Variants in PARD3 observed in about 807,000 individuals in gnomAD.
PARD3 encodes partitioning defective 3 homolog.
A neutral mutation model predicts 155.4 loss-of-function variants in PARD3; 75 were observed. The ratio of observed to expected loss-of-function variants is 0.48; its 90% confidence interval spans 0.40 to 0.58. The LOEUF is 0.58. PARD3 is among the 20% of genes least tolerant of loss of function. The pLI is 0.00. For missense variants in PARD3, 1,642 were observed against 1,721.7 expected, an observed-to-expected ratio of 0.95 and a Z score of 0.82; for synonymous variants, 576 against 610.5, an observed-to-expected ratio of 0.94 and a Z score of 0.83.
chr10:34,539,590 G>A (rs2083459567), intron 2 of PARD3, among the ~76,000 whole-genome samples: 2 of 152,146 alleles, frequency 1.3e-5, no homozygotes, highest in Admixed American at 1.3e-4. Context: ...GAACCTGGGA[G>A]GCAGAGGTTG....
intron 2 of PARD3, among the ~76,000 whole-genome samples, chr10:34,684,610 C>T (rs112123173): frequency 6.4e-4 from 98 of 152,182 alleles, no homozygotes; most frequent in Non-Finnish European, 1.1e-3. Flanking sequence ...TGCCTGCATT[C>T]GAATCCTGGT....
chr10:34,432,808 G>A (rs1330372070), intron 5 of PARD3, among the ~76,000 whole-genome samples: 4 of 152,156 alleles, frequency 2.6e-5, no homozygotes, highest in African/African-American at 4.8e-5. Context: ...GGAACAGGAA[G>A]AGGAACTAAA....
Position 34,726,215 on chromosome 10 carries a change from G to A in PARD3, c.121-29796C>T, listed in dbSNP as rs112627903. ...TCATGCCTGTAACCCCAGCACTTTG[G>A]GAGGTGGGTGAATCACCTAAGTTAA... On this transcript the variant is annotated intron_variant, in intron 1 of 24. Coordinates refer to ENST00000374788, the MANE Select transcript of PARD3 (RefSeq NM_001184785.2). Among the ~76,000 whole-genome samples the A allele has an allele frequency of 5.5e-3, 842 of 152,294 alleles. 8 individuals are homozygous for A. Among genetic ancestry groups the A allele is most frequent in the African/African-American group, 0.019 (799 of 41,558 alleles).
rs547758001 is a variant in PARD3, at chr10:34,580,054, C to G, written c.223-62895G>C. ...TCAGCCTCCTGTGTAACTGGGATTACAGGTATGTACCACCATGCCTGGATA... is the reference window on the plus strand; with the variant it reads ...TCAGCCTCCTGTGTAACTGGGATTAGAGGTATGTACCACCATGCCTGGATA... On this transcript the variant is annotated intron_variant, in intron 2 of 24. Coordinates refer to ENST00000374788, the MANE Select transcript of PARD3 (RefSeq NM_001184785.2). Among the ~76,000 whole-genome samples the G allele has an allele frequency of 1.3e-3, 204 of 152,032 alleles. 1 individual carries two copies. Among genetic ancestry groups the G allele is most frequent in the Non-Finnish European group, 2.7e-3 (184 of 68,006 alleles).
At chr10:34,759,194 T>C (rs996136269) in intron 1 of PARD3, among the ~76,000 whole-genome samples, 2 of 152,144 alleles carry the variant, frequency 1.3e-5, no homozygotes, top group Admixed American at 6.6e-5. Context: ...CTTTTTTTTT[T>C]CTAATAGGAA....
At chr10:34,388,205 C>T (rs1842537470) in intron 7 of PARD3, among the ~76,000 whole-genome samples, 1 of 152,154 alleles carries the variant, frequency 6.6e-6, no homozygotes, top group Non-Finnish European at 1.5e-5. Context: ...TAGTAGCCTG[C>T]TGATTTCTAA....
At position 34,384,076 on chromosome 10, in the gene PARD3, C is replaced by T. The variant is rs1183599772; in HGVS notation, c.1016+53G>A. ...GTTTGAAGCATTTCAACTGACTGCA[C>T]TCTGTCATGCCTAATGCAAGTAAGA... On this transcript the variant is annotated intron_variant, in intron 8 of 24. Transcript: ENST00000374788. 5 of 1,571,622 alleles carry T rather than the reference C, an allele frequency of 3.2e-6. No individual in the cohort carries two copies. The Admixed American group carries it at 5.1e-5, about 16-fold the overall frequency.
intron 2 of PARD3, among the ~76,000 whole-genome samples, chr10:34,574,547 A>G (rs568851577): frequency 2.0e-5 from 3 of 152,344 alleles, no homozygotes; most frequent in South Asian, 4.1e-4. Context: ...ATAGTGACCC[A>G]TCCCAGTGCA....
At chr10:34,123,028 C>T (rs1427109942) in intron 23 of PARD3, among the ~76,000 whole-genome samples, 1 of 152,206 alleles carries the variant, frequency 6.6e-6, no homozygotes, top group South Asian at 2.1e-4. Flanking sequence ...CCTGCGCAGG[C>T]ATAACTGTAA....
At chr10:34,427,530 T>C (rs1251138005) in intron 5 of PARD3, among the ~76,000 whole-genome samples, 3 of 152,148 alleles carry the variant, frequency 2.0e-5, no homozygotes, top group Non-Finnish European at 4.4e-5. Flanking sequence ...CAGCGGGACA[T>C]GGAAGTTCAT....
rs534389643 is a variant in PARD3 at position 34,792,092 on chromosome 10, C to T, written c.120+22784G>A. Among the ~76,000 whole-genome samples, 9 of 152,322 alleles carry T rather than the reference C, an allele frequency of 5.9e-5. No individual in the cohort carries two copies. The South Asian group carries it at 1.9e-3, about 32-fold the overall frequency. On this transcript the variant is annotated intron_variant, in intron 1 of 24. Transcript: ENST00000374788. Reference sequence around the variant, plus strand: ...GTGCTCGCTTGCTCAGATATGCGCCCTGTTCCTGCCTCAGGATGCGCGCCC... The same window carrying T: ...GTGCTCGCTTGCTCAGATATGCGCCTTGTTCCTGCCTCAGGATGCGCGCCC...
intron 1 of PARD3, among the ~76,000 whole-genome samples, chr10:34,723,711 T>C (rs569521397): frequency 2.6e-5 from 4 of 152,220 alleles, no homozygotes; most frequent in Admixed American, 2.6e-4. Context: ...CTCAATCACT[T>C]CATAAATCTG....
chr10:34,656,832 G>T (rs935824278), intron 2 of PARD3, among the ~76,000 whole-genome samples: 3 of 152,192 alleles, frequency 2.0e-5, no homozygotes, highest in African/African-American at 7.2e-5. Context: ...ACTGCTATCT[G>T]TATTAAGGCC....
intron 22 of PARD3, among the ~76,000 whole-genome samples, chr10:34,256,537 T>TAA (rs1214506852): frequency 5.9e-5 from 9 of 152,340 alleles, no homozygotes; most frequent in Non-Finnish European, 1.3e-4. Flanking sequence ...TTATAGTCTG[T>TAA]AAAAACAGTT....
intron 20 of PARD3, among the ~76,000 whole-genome samples, chr10:34,310,954 T>C (rs1015277752): frequency 1.3e-5 from 2 of 152,262 alleles, no homozygotes; most frequent in African/African-American, 2.4e-5. Flanking sequence ...TTGTTTTCTA[T>C]GTGCTTACTT....
chr10:34,376,579 T>G (rs1411449787), intron 10 of PARD3, among the ~76,000 whole-genome samples: 5 of 152,210 alleles, frequency 3.3e-5, no homozygotes. Flanking sequence ...TAACATAATT[T>G]GTACTCAAAC....
chr10:34,255,011 A>G (rs1954580699), intron 22 of PARD3, among the ~76,000 whole-genome samples: 1 of 152,226 alleles, frequency 6.6e-6, no homozygotes, highest in South Asian at 2.1e-4. Flanking sequence ...CTGTAACCTC[A>G]ATCAGCTTTA....
chr10:34,380,483 A>G (rs1234267745), intron 9 of PARD3, among the ~76,000 whole-genome samples: 1 of 152,156 alleles, frequency 6.6e-6, no homozygotes, highest in Non-Finnish European at 1.5e-5. Context: ...CCAGTTTTGT[A>G]AGTAAAATGT....
At chr10:34,141,934 C>A (rs1274457751) in intron 22 of PARD3, among the ~76,000 whole-genome samples, 1 of 152,180 alleles carries the variant, frequency 6.6e-6, no homozygotes, top group Non-Finnish European at 1.5e-5. Context: ...CTACTGAAAA[C>A]TCAGCACTAA....
Sources: allele counts gnomAD v4.1 joint callset (sites outside exome capture counted in the v4.1 genomes callset), GRCh38; gene constraint gnomAD v4.1.1; transcripts MANE v1.5; gene names NCBI Gene and HGNC (gene_info 2026-07-23, HGNC 2026-07-21).